The following MAN1A1 variants were observed in gnomAD, a reference collection of about 807,000 sequenced individuals.
MAN1A1 encodes mannosidase alpha class 1A member 1, also known as mannosyl-oligosaccharide 1,2-alpha-mannosidase IA.
In MAN1A1, 29 loss-of-function variants were observed where a neutral mutation model predicts 70.8. That is an observed-to-expected ratio of 0.41 (90% CI 0.31 to 0.56). The LOEUF is 0.56. Ranked by LOEUF, MAN1A1 falls within the 20% of genes least tolerant of loss-of-function variation. The pLI, the probability that MAN1A1 is intolerant of heterozygous loss-of-function variation, is 0.29. For missense variants in MAN1A1, 747 were observed against 841.3 expected, an observed-to-expected ratio of 0.89 and a Z score of 1.39; for synonymous variants, 349 against 330.1, an observed-to-expected ratio of 1.06 and a Z score of -0.62.
chr6:119,216,621 A>T (rs530201847), intron 6 of MAN1A1, among the ~76,000 whole-genome samples: 1 of 152,348 alleles, frequency 6.6e-6, no homozygotes, highest in East Asian at 1.9e-4. Flanking sequence ...AAATTCATGC[A>T]TTTTAATTTT....
At chr6:119,295,477 C>CA (rs1772183641) in intron 4 of MAN1A1, among the ~76,000 whole-genome samples, 1 of 151,876 alleles carries the variant, frequency 6.6e-6, no homozygotes, top group African/African-American at 2.4e-5. Context: ...TTTGGATCTT[C>CA]AAGCCTTATG....
At position 119,348,490 on chromosome 6, in the gene MAN1A1, G is replaced by A. The variant is rs756702249; in HGVS notation, c.576C>T (p.Ile192=). The change falls in exon 2 of 13, where the codon ATC becomes ATT. Residue 192 remains isoleucine, a synonymous_variant. Transcript: ENST00000368468. The part of the protein sequence containing the change: ...VESREPADAA[I]REKRAKIKEM... ...CTTTGATCTTTGCCCTTTTCTCGCG[G>A]ATGGCGGCGTCGGCGGGCTCCCGGC... 5.6e-6 allele frequency: 9 copies of A among 1,608,280 alleles called. No homozygotes were observed. The highest frequency in any genetic ancestry group is 7.6e-6 in the Non-Finnish European group (9 of 1,177,096).
chr6:119,239,285 T>A (rs753804872), intron 6 of MAN1A1, among the ~76,000 whole-genome samples: 4 of 152,252 alleles, frequency 2.6e-5, no homozygotes, highest in Non-Finnish European at 5.9e-5. Flanking sequence ...TTGCACTGCC[T>A]GTACTTACGC....
chr6:119,326,145 C>T (rs914316715), intron 2 of MAN1A1, among the ~76,000 whole-genome samples: 1 of 152,208 alleles, frequency 6.6e-6, no homozygotes. Context: ...TTCAGCATCT[C>T]TCTTACACTT....
At chr6:119,242,972 T>A (rs1003618346) in intron 6 of MAN1A1, among the ~76,000 whole-genome samples, 2 of 151,960 alleles carry the variant, frequency 1.3e-5, no homozygotes, top group African/African-American at 4.8e-5. Context: ...TTAAAAAAAA[T>A]CCAACTGGGG....
intron 6 of MAN1A1, among the ~76,000 whole-genome samples, chr6:119,206,717 T>A (rs555513839): frequency 6.6e-6 from 1 of 152,330 alleles, no homozygotes; most frequent in East Asian, 1.9e-4. Flanking sequence ...ATATGGCAAA[T>A]GCACATGGTA....
At chr6:119,323,235 A>G (rs1387572557) in intron 2 of MAN1A1, among the ~76,000 whole-genome samples, 1 of 152,222 alleles carries the variant, frequency 6.6e-6, no homozygotes, top group Non-Finnish European at 1.5e-5. Flanking sequence ...CTTCCTTTTA[A>G]ATAAGGAGTC....
At chr6:119,277,905 C>G (rs1776115272) in intron 5 of MAN1A1, among the ~76,000 whole-genome samples, 1 of 138,086 alleles carries the variant, frequency 7.2e-6, no homozygotes, top group South Asian at 2.3e-4. Flanking sequence ...CAACTGCACT[C>G]CAGCCTGGGC....
At chr6:119,295,490 G>GTTTA (rs1247302512) in intron 4 of MAN1A1, among the ~76,000 whole-genome samples, 1 of 151,962 alleles carries the variant, frequency 6.6e-6, no homozygotes, top group Non-Finnish European at 1.5e-5. Flanking sequence ...GCCTTATGAT[G>GTTTA]TTTATTTAGA....
chr6:119,189,968 A>C, intron 9 of MAN1A1, 85 bp from the exon 10 acceptor site: 1 of 1,022,282 alleles, frequency 9.8e-7, no homozygotes, highest in Non-Finnish European at 1.4e-6. Flanking sequence ...AAAAAAAAGA[A>C]TAGAATACAC....
At chr6:119,259,286 G>A (rs929053294) in intron 5 of MAN1A1, among the ~76,000 whole-genome samples, 2 of 152,122 alleles carry the variant, frequency 1.3e-5, no homozygotes, top group Admixed American at 1.3e-4. Flanking sequence ...CTATCTTACG[G>A]TGAAGGGCAC....
At chr6:119,332,205 A>C (rs1773336318) in intron 2 of MAN1A1, among the ~76,000 whole-genome samples, 1 of 152,198 alleles carries the variant, frequency 6.6e-6, no homozygotes, top group Non-Finnish European at 1.5e-5. Flanking sequence ...CAGATAAAGG[A>C]GACAAAATCT....
intron 8 of MAN1A1, among the ~76,000 whole-genome samples, chr6:119,197,819 G>T (rs1773613730): frequency 6.6e-6 from 1 of 151,386 alleles, no homozygotes; most frequent in African/African-American, 2.4e-5. Flanking sequence ...TTTTCCATCA[G>T]GAAATTGGCC....
In MAN1A1 at chr6:119,285,920, A is replaced by G. The variant is rs147181142; in HGVS notation, c.897+4763T>C. Among the ~76,000 whole-genome samples the G allele has an allele frequency of 8.0e-3, 1,212 of 152,292 alleles. 9 individuals carry two copies. The highest frequency in any genetic ancestry group is 0.011 in the Non-Finnish European group (772 of 68,018). ...TTTTTGTATTCATAAAAATAGCAAAACCAGATTGCTGTTAATGCTCTTCCA... is the reference window on the plus strand; with the variant it reads ...TTTTTGTATTCATAAAAATAGCAAAGCCAGATTGCTGTTAATGCTCTTCCA... On this transcript the variant is annotated intron_variant, in intron 5 of 12. Transcript: ENST00000368468.
At chr6:119,206,590 C>A (rs529602281) in intron 6 of MAN1A1, among the ~76,000 whole-genome samples, 1 of 152,096 alleles carries the variant, frequency 6.6e-6, no homozygotes, top group Non-Finnish European at 1.5e-5. Context: ...TTACAAAATG[C>A]CCTAAATTTA....
chr6:119,300,887 G>A (rs976820859), intron 4 of MAN1A1, among the ~76,000 whole-genome samples: 8 of 152,070 alleles, frequency 5.3e-5, no homozygotes, highest in African/African-American at 1.9e-4. Context: ...ATTAATTAGG[G>A]GAGTAGAAAC....
At chr6:119,293,340 G>T (rs1322991625) in intron 4 of MAN1A1, among the ~76,000 whole-genome samples, 3 of 151,966 alleles carry the variant, frequency 2.0e-5, no homozygotes, top group Non-Finnish European at 2.9e-5. Flanking sequence ...TATTTATCTT[G>T]TACTGTACGA....
rs565526410 is a variant in MAN1A1 at position 119,308,570 on chromosome 6, T to C, written c.604-1578A>G. On this transcript the variant is annotated intron_variant, in intron 2 of 12. Coordinates refer to ENST00000368468, the MANE Select transcript of MAN1A1 (RefSeq NM_005907.4). The stretch of plus-strand genomic sequence containing the variant: ...ATGTAAGGAATACATGATCGTGGTA[T>C]ATGTTTTTGCACCTTGCATACTGCT... Among the ~76,000 whole-genome samples, 10 of 152,290 alleles carry C rather than the reference T, an allele frequency of 6.6e-5. No individual in the cohort carries two copies. The South Asian group carries it at 2.1e-3, about 32-fold the overall frequency.
chr6:119,299,666 AC>A, intron 4 of MAN1A1, among the ~76,000 whole-genome samples: 1 of 152,232 alleles, frequency 6.6e-6, no homozygotes, highest in East Asian at 1.9e-4. Flanking sequence ...TAATCCTTTC[AC>A]CTTACAAGTA....
Sources: allele counts gnomAD v4.1 joint callset (sites outside exome capture counted in the v4.1 genomes callset), GRCh38; gene constraint gnomAD v4.1.1; transcripts MANE v1.5; gene names NCBI Gene and HGNC (gene_info 2026-07-23, HGNC 2026-07-21).